ZNF500: variants seen among roughly 807,000 people sequenced by gnomAD.
ZNF500 encodes zinc finger protein with KRAB and SCAN domains 18.
ZNF500 carries 31 observed loss-of-function variants against 30.1 expected under a neutral mutation model. The observed-to-expected ratio is 1.03, with a 90% CI of 0.77 to 1.39. The LOEUF (loss-of-function observed/expected upper bound fraction) is 1.39. Among genes scored for constraint, ZNF500 ranks in the 40% most tolerant of loss-of-function variants. ZNF500 has a pLI of 0.00. For missense variants in ZNF500, 817 were observed against 657.8 expected, an observed-to-expected ratio of 1.24 and a Z score of -2.65; for synonymous variants, 392 against 282.0, an observed-to-expected ratio of 1.39 and a Z score of -3.91.
At chr16:4,764,610 T>A (rs1251779316) in intron 2 of ZNF500, among the ~76,000 whole-genome samples, 1 of 151,914 alleles carries the variant, frequency 6.6e-6, no homozygotes, top group Non-Finnish European at 1.5e-5. Context: ...TGAAACCCTG[T>A]CTCTACTAAA....
chr16:4,754,720 C>A (rs1176507694), intron 5 of ZNF500, among the ~76,000 whole-genome samples: 1 of 151,500 alleles, frequency 6.6e-6, no homozygotes, highest in African/African-American at 2.4e-5. Flanking sequence ...AGGATTGGAA[C>A]CACCTCATTG....
At chr16:4,755,946 G>A (rs571403401) in intron 5 of ZNF500, among the ~76,000 whole-genome samples, 2 of 152,318 alleles carry the variant, frequency 1.3e-5, no homozygotes, top group South Asian at 4.1e-4. Flanking sequence ...AAAGAAGCCA[G>A]TCACCAAGGG....
In ZNF500 at chr16:4,752,148, C is replaced by T. The variant is rs1343218446; in HGVS notation, c.*228G>A. Reference sequence around the variant, plus strand: ...GGCTGAAGCCCCTGCTCTGTGTCACCTGTTCTGGCTGCCACTGGACACTCA... The same window carrying T: ...GGCTGAAGCCCCTGCTCTGTGTCACTTGTTCTGGCTGCCACTGGACACTCA... On this transcript the variant is annotated 3_prime_UTR_variant, in exon 6 of 6. Coordinates refer to ENST00000219478, the MANE Select transcript of ZNF500 (RefSeq NM_021646.4). The T allele has an allele frequency of 4.4e-6, 6 of 1,374,806 alleles. No homozygotes were observed. Among genetic ancestry groups the T allele is most frequent in the African/African-American group, 2.9e-5 (2 of 68,530 alleles). 85.2% of individuals were successfully genotyped at this position (1,374,806 alleles called of 1,614,324 possible).
chr16:4,760,714 C>G lies in ZNF500; in HGVS notation c.664-126G>C, dbSNP rs559114503. The stretch of plus-strand genomic sequence containing the variant: ...GCTGGCGCCAAGCCTGGTGGTGCAG[C>G]TGGTCTTCTCCACTCTCGTTGCAGT... On this transcript the variant is annotated intron_variant, in intron 4 of 5. Coordinates refer to ENST00000219478, the MANE Select transcript of ZNF500 (RefSeq NM_021646.4). The G allele has an allele frequency of 7.9e-6, 6 of 755,748 alleles. No individual in the cohort carries two copies. In the South Asian group the frequency reaches 1.1e-4, roughly 14 times the overall value. 46.8% of individuals were successfully genotyped at this position (755,748 alleles called of 1,614,324 possible). A position where few individuals can be genotyped will look rare whatever the true frequency, so the allele number is the denominator to read the frequency against.
chr16:4,766,655 C>T (rs2082267889), intron 1 of ZNF500, among the ~76,000 whole-genome samples: 1 of 152,060 alleles, frequency 6.6e-6, no homozygotes, highest in South Asian at 2.1e-4. Context: ...GGTCAGAGCT[C>T]GAGAATCGTT....
At chr16:4,757,317 T>G (rs900461810) in intron 5 of ZNF500, among the ~76,000 whole-genome samples, 8 of 152,142 alleles carry the variant, frequency 5.3e-5, no homozygotes, top group Non-Finnish European at 1.2e-4. Flanking sequence ...GGTACCAACC[T>G]AATTTGTTTT....
downstream of ZNF500, chr16:4,747,014 C>T (rs1319630820): frequency 1.3e-6 from 2 of 1,530,362 alleles, no homozygotes; most frequent in African/African-American, 1.4e-5. Context: ...CTCCTTCCTC[C>T]CTGGGGCTAC....
downstream of ZNF500, chr16:4,746,984 G>T: frequency 6.5e-7 from 1 of 1,548,436 alleles, no homozygotes; most frequent in Non-Finnish European, 8.7e-7. Context: ...TGGCAGCTCT[G>T]GGAGACGCAG....
At chr16:4,747,686 G>A (rs2082035952), downstream of ZNF500, 1 of 1,513,164 alleles carries the variant, frequency 6.6e-7, no homozygotes, top group Non-Finnish European at 8.9e-7. Context: ...CATGGACCCT[G>A]GGCCCCGGTG....
At chr16:4,747,136 C>G, downstream of ZNF500, 1 of 1,234,808 alleles carries the variant, frequency 8.1e-7, no homozygotes, top group South Asian at 1.5e-5. Flanking sequence ...CTGCACCCAC[C>G]GCACAGGGTG....
Position 4,748,854 on chromosome 16 carries a change from G to A in ZNF500, c.*3522C>T, listed in dbSNP as rs546305099. 2.6e-5 allele frequency: 4 copies of A among 152,366 alleles called. No individual in the cohort carries two copies. Among genetic ancestry groups the A allele is most frequent in the Admixed American group, 2.0e-4 (3 of 15,292 alleles). 9.4% of individuals were successfully genotyped at this position (152,366 alleles called of 1,614,324 possible). On this transcript the variant is annotated 3_prime_UTR_variant, in exon 6 of 6. Transcript: ENST00000219478. ...GGGACAGTGTCCCAGCTTCCCCTGG[G>A]GTTCACCCCTGGCTGCCAGGCCACT...
chr16:4,763,597 C>A, intron 2 of ZNF500: 1 of 985,364 alleles, frequency 1.0e-6, no homozygotes, highest in Non-Finnish European at 1.2e-6. Flanking sequence ...TCCTCTTATT[C>A]AACATTCCAC....
At position 4,765,601 on chromosome 16, in the gene ZNF500, T is replaced by C. The variant is rs12919587; in HGVS notation, c.378A>G (p.Glu126=). Residue 126 remains glutamate, a synonymous_variant, in exon 2 of 6, where the codon GAA becomes GAG. Transcript: ENST00000219478. The part of the protein sequence containing the change: ...ESGEEAVVLV[E]GLQRKPRKHR... The stretch of plus-strand genomic sequence containing the variant: ...GTTTCCTGGGCTTCCGCTGCAGCCC[T>C]TCCACAAGGACCACGGCCTCCTCAC... 878,362 of 1,609,550 alleles carry C rather than the reference T, an allele frequency of 0.55. 243,756 individuals are homozygous for C. Among genetic ancestry groups the C allele is most frequent in the South Asian group, 0.75 (68,354 of 90,782 alleles).
chr16:4,759,046 T>C (rs1260796004), intron 5 of ZNF500, among the ~76,000 whole-genome samples: 1 of 151,236 alleles, frequency 6.6e-6, no homozygotes, highest in Non-Finnish European at 1.5e-5. Flanking sequence ...CCAGCTCTAC[T>C]AAAAATAGAA....
chr16:4,751,777 A>G lies in ZNF500; in HGVS notation c.*599T>C, dbSNP rs1567516379. ...CAAAAAAGAGACTGGGCATGGCGGC[A>G]CACACCTGTAACCCCAGCTACTCAG... is the stretch of plus-strand genomic sequence containing the variant. On this transcript the variant is annotated 3_prime_UTR_variant, in exon 6 of 6. Coordinates refer to ENST00000219478, the MANE Select transcript of ZNF500 (RefSeq NM_021646.4). The G allele has an allele frequency of 3.7e-6, 3 of 806,322 alleles. No individual in the cohort carries two copies. Among genetic ancestry groups the G allele is most frequent in the Non-Finnish European group, 6.0e-6 (3 of 496,708 alleles). The allele number at this position is 806,322 out of a possible 1,614,324, so 49.9% of individuals were successfully genotyped here. A position where few individuals can be genotyped will look rare whatever the true frequency, so the allele number is the denominator to read the frequency against.
At chr16:4,764,768 C>T (rs1409420904) in intron 2 of ZNF500, among the ~76,000 whole-genome samples, 22 of 139,948 alleles carry the variant, frequency 1.6e-4, no homozygotes, top group African/African-American at 2.2e-4. Context: ...GGCGACAGGG[C>T]GAGACTCCAT....
intron 5 of ZNF500, among the ~76,000 whole-genome samples, chr16:4,757,870 G>A (rs2082152994): frequency 6.6e-6 from 1 of 150,378 alleles, no homozygotes; most frequent in African/African-American, 2.5e-5. Context: ...TGGAAGTGCT[G>A]GGATTACAGG....
chr16:4,752,821 C>T lies in ZNF500; in HGVS notation c.998G>A (p.Gly333Asp), dbSNP rs140415059. The change falls in exon 6 of 6, where the codon GGC (glycine) becomes GAC (aspartate). Residue 333 changes from glycine (G) to aspartate (D), a missense_variant. Physicochemically the swap from Gly to Asp is moderately conservative, Grantham distance 94. Coordinates refer to ENST00000219478, the MANE Select transcript of ZNF500 (RefSeq NM_021646.4). ...KPYTCPECGK[G>D]FSKTSHLTKH... is the part of the protein sequence containing the mutation. ...GGTCAAGTGGGACGTCTTGCTGAAG[C>T]CTTTGCCACATTCGGGGCAGGTGTA... 1.4e-5 allele frequency: 23 copies of T among 1,614,270 alleles called. No homozygotes were observed. In the African/African-American group the frequency reaches 2.7e-4, roughly 19 times the overall value.
intron 4 of ZNF500, among the ~76,000 whole-genome samples, chr16:4,761,265 C>A (rs1007159505): frequency 1.3e-5 from 2 of 151,822 alleles, no homozygotes; most frequent in African/African-American, 2.4e-5. Flanking sequence ...GGTGAAACCC[C>A]ATCTGTACTA....
Sources: gnomAD v4.1 joint callset for allele counts (sites outside exome capture counted in the v4.1 genomes callset) on GRCh38, gnomAD v4.1.1 for gene constraint, MANE v1.5 for transcripts, NCBI Gene and HGNC (gene_info 2026-07-23, HGNC 2026-07-21) for gene names.